Variants in SLC4A4 observed in about 807,000 individuals in gnomAD.
SLC4A4 encodes the protein solute carrier family 4 member 4, also known as electrogenic sodium bicarbonate cotransporter 1.
SLC4A4 carries 27 observed loss-of-function variants against 111.5 expected under a neutral mutation model. That is an observed-to-expected ratio of 0.24 (90% CI 0.18 to 0.33). The LOEUF is 0.33. Ranked by LOEUF, SLC4A4 falls within the 10% of genes least tolerant of loss-of-function variation. The pLI is 1.00. For missense variants in SLC4A4, 909 were observed against 1,315.5 expected (o/e 0.69, Z 4.78); for synonymous variants, 443 against 463.4 (o/e 0.96, Z 0.57).
chr4:71,559,212 C>A (rs1736741905), intron 22 of SLC4A4, among the ~76,000 whole-genome samples: 1 of 151,804 alleles, frequency 6.6e-6, no homozygotes, highest in Non-Finnish European at 1.5e-5. Context: ...TAATTTGAAG[C>A]AAGTCAGGAT....
chr4:71,565,166 G>A (rs1338003346), intron 24 of SLC4A4, among the ~76,000 whole-genome samples: 2 of 151,912 alleles, frequency 1.3e-5, no homozygotes, highest in Non-Finnish European at 2.9e-5. Flanking sequence ...TATGTAAATG[G>A]AGAGGATGAA....
Position 71,563,854 on chromosome 4 carries a change from A to G in SLC4A4, c.3161A>G (p.Gln1054Arg), listed in dbSNP as rs773181809. The G allele has an allele frequency of 2.5e-6, 4 of 1,611,562 alleles. No homozygotes were observed. The highest frequency in any genetic ancestry group is 3.4e-6 in the Non-Finnish European group (4 of 1,178,260). The part of the protein sequence containing the change: ...SIKIPMDIME[Q>R]QPFLSDSKPS... The stretch of plus-strand genomic sequence containing the variant: ...AAAATTCCAATGGACATCATGGAAC[A>G]GCAACCTTTCCTAAGCGATAGCAAA... Residue 1054 changes from glutamine to arginine, a missense_variant, in exon 24 of 26, where the codon CAG becomes CGG. Physicochemically the swap from Gln to Arg is conservative, Grantham distance 43. Around this residue, in one of 7 missense-constraint regions of SLC4A4, gnomAD observed 85 missense variants for 79.8 expected, o/e 1.07. Coordinates refer to ENST00000264485, the MANE Select transcript of SLC4A4 (RefSeq NM_001098484.3).
intron 2 of SLC4A4, among the ~76,000 whole-genome samples, chr4:71,110,431 C>T (rs77498985): frequency 2.0e-4 from 30 of 152,248 alleles, no homozygotes; most frequent in African/African-American, 7.0e-4. Context: ...GTCTCAAACT[C>T]CTGACCTCAG....
chr4:71,164,345 A>T (rs749824105), intron 2 of SLC4A4, among the ~76,000 whole-genome samples: 2 of 149,444 alleles, frequency 1.3e-5, no homozygotes, highest in Non-Finnish European at 1.5e-5. Flanking sequence ...CGTGCACTGC[A>T]CTCCAGCCTG....
chr4:71,156,615 T>C (rs2602094), intron 2 of SLC4A4, among the ~76,000 whole-genome samples: 15,999 of 120,586 alleles, frequency 0.13, 1,563 homozygotes, highest in African/African-American at 0.28. Flanking sequence ...CACACACACA[T>C]ACACATTGTG....
At chr4:71,458,135 A>G (rs1420278682) in intron 12 of SLC4A4, among the ~76,000 whole-genome samples, 3 of 152,054 alleles carry the variant, frequency 2.0e-5, no homozygotes, top group Non-Finnish European at 4.4e-5. Flanking sequence ...TAATTCATGT[A>G]GCTACTTCTA....
chr4:71,504,691 C>A (rs1049692177), intron 16 of SLC4A4, among the ~76,000 whole-genome samples: 2 of 144,854 alleles, frequency 1.4e-5, no homozygotes, highest in Non-Finnish European at 3.1e-5. Flanking sequence ...TATTATTTTT[C>A]TTTTTTGCTT....
At chr4:71,162,128 A>G (rs1253525221) in intron 2 of SLC4A4, among the ~76,000 whole-genome samples, 1 of 152,184 alleles carries the variant, frequency 6.6e-6, no homozygotes, top group African/African-American at 2.4e-5. Flanking sequence ...ATATAGACTG[A>G]GGCATTCAAT....
chr4:71,156,664 G>T (rs1560749587), intron 2 of SLC4A4, among the ~76,000 whole-genome samples: 1 of 151,466 alleles, frequency 6.6e-6, no homozygotes, highest in Admixed American at 6.6e-5. Context: ...CATATCAAAA[G>T]AGATGTAACA....
intron 2 of SLC4A4, among the ~76,000 whole-genome samples, chr4:71,105,581 T>C (rs1402496104): frequency 1.4e-5 from 2 of 146,616 alleles, no homozygotes; most frequent in Non-Finnish European, 3.0e-5. Flanking sequence ...GAGATATAGA[T>C]CAATGGAACA....
At chr4:71,354,711 A>G (rs967183527) in intron 5 of SLC4A4, among the ~76,000 whole-genome samples, 16 of 151,832 alleles carry the variant, frequency 1.1e-4, no homozygotes, top group Non-Finnish European at 2.1e-4. Flanking sequence ...TAGTTTTTAA[A>G]TAAAGAAAAA....
At position 71,106,991 on chromosome 4, in the gene SLC4A4, T is replaced by TAA. The variant is rs143287225; in HGVS notation, c.-2+14208_-2+14209dup. Among the ~76,000 whole-genome samples, 787 of 148,640 alleles carry TAA rather than the reference T, an allele frequency of 5.3e-3. 10 individuals carry two copies. Among genetic ancestry groups the TAA allele is most frequent in the African/African-American group, 0.019 (756 of 40,670 alleles). The stretch of plus-strand genomic sequence containing the variant: ...AAAGAGACTAAAAATACAGAGAAAT[T>TAA]AAAAAAAAAATAAAGTCTATCTGTC... On this transcript the variant is annotated intron_variant, in intron 2 of 26. Transcript: ENST00000649996.
chr4:71,144,143 C>A (rs1744095326), intron 2 of SLC4A4, among the ~76,000 whole-genome samples: 1 of 152,160 alleles, frequency 6.6e-6, no homozygotes, highest in African/African-American at 2.4e-5. Flanking sequence ...AGAAAGGGAT[C>A]CAGTTTCAGC....
At chr4:71,176,417 G>A (rs1745096832) in intron 2 of SLC4A4, among the ~76,000 whole-genome samples, 1 of 152,134 alleles carries the variant, frequency 6.6e-6, no homozygotes, top group Non-Finnish European at 1.5e-5. Context: ...TGGCAAAGAA[G>A]TTAAAAACCT....
At chr4:71,201,254 C>G (rs1371535173) in intron 1 of SLC4A4, among the ~76,000 whole-genome samples, 5 of 152,194 alleles carry the variant, frequency 3.3e-5, no homozygotes, top group African/African-American at 1.2e-4. Context: ...AGCTCTGGAG[C>G]TGGGGAGAGA....
upstream of SLC4A4, among the ~76,000 whole-genome samples, chr4:71,185,117 G>T (rs1745409575): frequency 1.3e-5 from 2 of 152,216 alleles, no homozygotes; most frequent in Admixed American, 1.3e-4. Flanking sequence ...TTACGTGAAG[G>T]AAAGTTTGAT....
At chr4:71,167,586 G>GT (rs1183792908) in intron 2 of SLC4A4, among the ~76,000 whole-genome samples, 1 of 152,170 alleles carries the variant, frequency 6.6e-6, no homozygotes, top group Non-Finnish European at 1.5e-5. Context: ...TCAGGAGAAT[G>GT]TAAGTGTTAT....
chr4:71,412,495 T>C (rs1721447495), intron 7 of SLC4A4, among the ~76,000 whole-genome samples: 1 of 152,238 alleles, frequency 6.6e-6, no homozygotes, highest in African/African-American at 2.4e-5. Context: ...TGGAAGCAGA[T>C]TTCATTTCAA....
At chr4:71,540,446 TA>T (rs1734936229) in intron 18 of SLC4A4, among the ~76,000 whole-genome samples, 1 of 152,212 alleles carries the variant, frequency 6.6e-6, no homozygotes. Context: ...GTACTTAAAA[TA>T]ATCTCCAGTT....
Sources: gnomAD v4.1 joint callset for allele counts (sites outside exome capture counted in the v4.1 genomes callset) on GRCh38, gnomAD v4.1.1 for gene constraint, gnomAD v4.1.1 regional missense constraint, MANE v1.5 for transcripts, NCBI Gene and HGNC (gene_info 2026-07-23, HGNC 2026-07-21) for gene names.